The following MTUS2 variants were observed in gnomAD, a reference collection of about 807,000 sequenced individuals.
MTUS2 encodes microtubule-associated tumor suppressor candidate 2.
A neutral mutation model predicts 114.1 loss-of-function variants in MTUS2; 40 were observed. That is an observed-to-expected ratio of 0.35 (90% CI 0.27 to 0.46). MTUS2 has a LOEUF of 0.46. MTUS2 is among the 20% of genes least tolerant of loss of function. The probability of loss-of-function intolerance (pLI) is 1.00; values close to 1 mark genes in which losing one functional copy is unlikely to be tolerated. For synonymous variants in MTUS2, 688 were observed against 672.0 expected, an observed-to-expected ratio of 1.02 and a Z score of -0.37; for missense variants, 1,679 against 1,705.4, an observed-to-expected ratio of 0.98 and a Z score of 0.27.
chr13:29,102,051 G>A (rs1890440612), intron 5 of MTUS2, among the ~76,000 whole-genome samples: 1 of 152,186 alleles, frequency 6.6e-6, no homozygotes, highest in South Asian at 2.1e-4. Flanking sequence ...TGCCGTAGCT[G>A]AGGCCTGCTT....
intron 2 of MTUS2, among the ~76,000 whole-genome samples, chr13:28,915,928 G>A (rs1266381922): frequency 6.6e-6 from 1 of 151,696 alleles, no homozygotes; most frequent in Non-Finnish European, 1.5e-5. Context: ...TATAGTTTGA[G>A]GTCTTAGATT....
chr13:28,975,142 C>A (rs982972436), intron 2 of MTUS2, among the ~76,000 whole-genome samples: 1 of 151,768 alleles, frequency 6.6e-6, no homozygotes, highest in African/African-American at 2.4e-5. Flanking sequence ...GTAGGCAGCC[C>A]GATTGGATCC....
intron 1 of MTUS2, among the ~76,000 whole-genome samples, chr13:28,832,548 A>G (rs1281222348): frequency 6.6e-6 from 1 of 151,544 alleles, no homozygotes; most frequent in Admixed American, 6.6e-5. Flanking sequence ...TGAACAAAAG[A>G]AAGATCTCAG....
Position 29,204,116 on chromosome 13 carries a change from C to T in MTUS2, c.2645-77588C>T, listed in dbSNP as rs570279995. 7.2e-5 allele frequency among the ~76,000 whole-genome samples: 11 copies of T among 152,184 alleles called. No individual in the cohort carries two copies. The South Asian group carries it at 1.0e-3, about 14-fold the overall frequency. On this transcript the variant is annotated intron_variant, in intron 5 of 15. Coordinates refer to ENST00000612955, the MANE Select transcript of MTUS2 (RefSeq NM_001033602.4). ...CTGGGACTACAGGTGCCCGCCACCA[C>T]GCCTGGCTACTTTTTGTATTTTTAG...
intron 8 of MTUS2, among the ~76,000 whole-genome samples, chr13:29,388,400 G>C (rs1225703436): frequency 2.6e-5 from 4 of 151,078 alleles, no homozygotes; most frequent in Non-Finnish European, 5.9e-5. Flanking sequence ...TTAAACATAG[G>C]AATCCAGCAA....
At position 29,100,964 on chromosome 13, in the gene MTUS2, G is replaced by C; in HGVS notation, c.2638G>C (p.Ala880Pro). ...DSAQPEQGRP[A>P]TRSTFGNEEQ... is the part of the protein sequence containing the mutation. ...TGCACAGCCAGAGCAGGGCCGGCCA[G>C]CCACCCGTAAGTGGGGTGGGGCAGG... The change falls in exon 5 of 16, where the codon GCC becomes CCC. Residue 880 changes from alanine (A) to proline (P), a missense_variant. Physicochemically the swap from Ala to Pro is conservative, Grantham distance 27. Around this residue, in one of 3 missense-constraint regions of MTUS2, gnomAD observed 822 missense variants for 899.7 expected, o/e 0.91. Transcript: ENST00000612955. The C allele has an allele frequency of 6.4e-7, 1 of 1,560,190 alleles. No individual in the cohort carries two copies. Among genetic ancestry groups the C allele is most frequent in the Non-Finnish European group, 8.7e-7 (1 of 1,150,518 alleles).
intron 5 of MTUS2, among the ~76,000 whole-genome samples, chr13:29,120,909 A>C (rs1331458554): frequency 6.6e-6 from 1 of 152,248 alleles, no homozygotes; most frequent in African/African-American, 2.4e-5. Context: ...GAACCTGCTT[A>C]TGTTCAGAAA....
intron 4 of MTUS2, among the ~76,000 whole-genome samples, chr13:29,053,208 T>C (rs1887983201): frequency 6.6e-6 from 1 of 152,226 alleles, no homozygotes; most frequent in African/African-American, 2.4e-5. Flanking sequence ...ATATGTATTT[T>C]ATATAATCTG....
chr13:28,823,499 C>CACCAA (rs1874051335), intron 1 of MTUS2, among the ~76,000 whole-genome samples: 29 of 152,196 alleles, frequency 1.9e-4, no homozygotes, highest in Admixed American at 1.8e-3. Context: ...TATACCTTGT[C>CACCAA]TATCAATTAC....
At chr13:29,235,669 T>C (rs142511095) in intron 5 of MTUS2, among the ~76,000 whole-genome samples, 1 of 152,226 alleles carries the variant, frequency 6.6e-6, no homozygotes, top group Non-Finnish European at 1.5e-5. Flanking sequence ...TTGAATTTTT[T>C]CAAAGGTTTA....
In MTUS2 at chr13:29,392,149, A is replaced by G. The variant is rs60760239; in HGVS notation, c.3117+32676A>G. On this transcript the variant is annotated intron_variant, in intron 8 of 15. Coordinates refer to ENST00000612955, the MANE Select transcript of MTUS2 (RefSeq NM_001033602.4). ...TCTCAAAAAAAAAAAAACAAACCAA[A>G]AAAAAAAAAACCAAAAAAACACTTG... Among the ~76,000 whole-genome samples, 3 of 25,212 alleles carry G rather than the reference A, an allele frequency of 1.2e-4. No individual in the cohort carries two copies. In the South Asian group the frequency reaches 5.9e-3, roughly 49 times the overall value. The allele number at this position is 25,212 out of a possible 152,430, so 16.5% of individuals were successfully genotyped here.
At chr13:28,933,187 CTA>C (rs1881714125) in intron 2 of MTUS2, among the ~76,000 whole-genome samples, 1 of 151,324 alleles carries the variant, frequency 6.6e-6, no homozygotes, top group South Asian at 2.1e-4. Context: ...GTTAACTTAT[CTA>C]TTTATCAGCA....
intron 2 of MTUS2, among the ~76,000 whole-genome samples, chr13:29,022,557 C>T (rs528053585): frequency 8.5e-5 from 13 of 152,308 alleles, no homozygotes; most frequent in Non-Finnish European, 1.6e-4. Context: ...TGGGTGGCCA[C>T]GTTGCCATGT....
chr13:29,453,771 G>T (rs1218739937), intron 9 of MTUS2, among the ~76,000 whole-genome samples: 1 of 152,174 alleles, frequency 6.6e-6, no homozygotes, highest in Non-Finnish European at 1.5e-5. Flanking sequence ...TAAGCAGGAG[G>T]AGTAGAGCAA....
chr13:29,415,209 ATTTT>A (rs1875577623), intron 8 of MTUS2, among the ~76,000 whole-genome samples: 1 of 152,062 alleles, frequency 6.6e-6, no homozygotes, highest in African/African-American at 2.4e-5. Flanking sequence ...TTTGTGATCA[ATTTT>A]GATAAATGGT....
In MTUS2 at chr13:29,339,772, G is replaced by T. The variant is rs574853074; in HGVS notation, c.2905+15061G>T. 55 of 161,728 alleles carry T rather than the reference G, an allele frequency of 3.4e-4. No homozygotes were observed. The South Asian group carries it at 8.3e-3, about 24-fold the overall frequency. The allele number at this position is 161,728 out of a possible 1,614,324, so 10.0% of individuals were successfully genotyped here. The stretch of plus-strand genomic sequence containing the variant: ...GAGCGGTGAGGAGGGGCCGGGTGCG[G>T]ACCCAGCGCTTCCCATTGACGTAGA... On this transcript the variant is annotated intron_variant, in intron 7 of 15. Transcript: ENST00000612955.
chr13:28,973,014 A>G (rs1487190820), intron 2 of MTUS2, among the ~76,000 whole-genome samples: 1 of 152,178 alleles, frequency 6.6e-6, no homozygotes, highest in Non-Finnish European at 1.5e-5. Context: ...ATCAAAAAAT[A>G]TATATAGTTC....
chr13:28,974,364 CCAAA>C (rs1193610042), intron 2 of MTUS2, among the ~76,000 whole-genome samples: 6 of 152,084 alleles, frequency 3.9e-5, no homozygotes, highest in Admixed American at 2.6e-4. Context: ...ACAGTTTGGG[CCAAA>C]CAAACTGTAT....
intron 4 of MTUS2, among the ~76,000 whole-genome samples, chr13:29,044,653 T>G (rs753686738): frequency 2.0e-5 from 3 of 152,228 alleles, no homozygotes; most frequent in Admixed American, 6.5e-5. Flanking sequence ...TCATTGTGAA[T>G]AGTTTCTCTT....
Sources: allele counts gnomAD v4.1 joint callset (sites outside exome capture counted in the v4.1 genomes callset), GRCh38; gene constraint gnomAD v4.1.1; regional missense constraint gnomAD v4.1.1; transcripts MANE v1.5; gene names NCBI Gene and HGNC (gene_info 2026-07-23, HGNC 2026-07-21).